CELF2: variants seen among roughly 807,000 people sequenced by gnomAD.
CELF2 encodes the protein CUG triplet repeat RNA-binding protein 2.
In CELF2, 8 loss-of-function variants were observed where a neutral mutation model predicts 62.6. The observed-to-expected ratio is 0.13, with a 90% CI of 0.07 to 0.23. CELF2 has a LOEUF of 0.23. CELF2 is among the 10% of genes least tolerant of loss of function. The probability of loss-of-function intolerance (pLI) is 1.00; values close to 1 mark genes in which losing one functional copy is unlikely to be tolerated. For missense variants in CELF2, 333 were observed against 671.0 expected, an observed-to-expected ratio of 0.50 and a Z score of 5.56; for synonymous variants, 258 against 250.0, an observed-to-expected ratio of 1.03 and a Z score of -0.30.
chr10:10,642,809 G>T, the CELF2 span, among the ~76,000 whole-genome samples: 1 of 152,260 alleles, frequency 6.6e-6, no homozygotes, highest in Admixed American at 6.5e-5. Context: ...AGTGGGTGCA[G>T]GTGGAGCCCT....
the CELF2 span, among the ~76,000 whole-genome samples, chr10:10,682,321 A>T: frequency 6.6e-6 from 1 of 152,244 alleles, no homozygotes. Context: ...ATGACACAAA[A>T]TTAATCTCAG....
chr10:11,026,586 CTG>C (rs2059245236), intron 1 of CELF2, among the ~76,000 whole-genome samples: 1 of 152,244 alleles, frequency 6.6e-6, no homozygotes, highest in African/African-American at 2.4e-5. Context: ...TCCTGAATCT[CTG>C]TACCCTGGCC....
chr10:10,558,203 C>A, the CELF2 span, among the ~76,000 whole-genome samples: 1 of 152,110 alleles, frequency 6.6e-6, no homozygotes, highest in Non-Finnish European at 1.5e-5. Flanking sequence ...TTTTGAAATG[C>A]GTCCCATCAA....
chr10:10,513,035 T>A, the CELF2 span, among the ~76,000 whole-genome samples: 15 of 152,276 alleles, frequency 9.9e-5, no homozygotes, highest in East Asian at 2.9e-3. Flanking sequence ...GGTTTTCTGG[T>A]GATGCACAAG....
the CELF2 span, among the ~76,000 whole-genome samples, chr10:10,551,175 G>T: frequency 6.6e-6 from 1 of 152,188 alleles, no homozygotes; most frequent in Non-Finnish European, 1.5e-5. Context: ...TTAGTCTGGT[G>T]CAGTTATTCA....
chr10:10,544,408 T>C, the CELF2 span, among the ~76,000 whole-genome samples: 49,299 of 152,196 alleles, frequency 0.32, 8,748 homozygotes, highest in Middle Eastern at 0.41. Context: ...CTAGCCTCAG[T>C]TACTACTTAG....
the CELF2 span, among the ~76,000 whole-genome samples, chr10:10,760,281 G>T: frequency 6.6e-6 from 1 of 152,072 alleles, no homozygotes; most frequent in African/African-American, 2.4e-5. Context: ...TCCTACCCCA[G>T]TCCCCCTCTT....
chr10:10,805,724 A>T (rs1046834721), intron 1 of CELF2, among the ~76,000 whole-genome samples: 3 of 152,182 alleles, frequency 2.0e-5, no homozygotes, highest in Non-Finnish European at 4.4e-5. Flanking sequence ...AGCTCAGAGG[A>T]GCCCGGCTGG....
At chr10:10,477,518 C>T in the CELF2 span, among the ~76,000 whole-genome samples, 2 of 152,038 alleles carry the variant, frequency 1.3e-5, no homozygotes, top group Admixed American at 1.3e-4. Context: ...AAGCTAACCC[C>T]CTCTTAATTA....
intron 1 of CELF2, among the ~76,000 whole-genome samples, chr10:10,877,677 A>C (rs2061192940): frequency 6.6e-6 from 1 of 152,248 alleles, no homozygotes; most frequent in South Asian, 2.1e-4. Flanking sequence ...TTTTCTCAGC[A>C]ACCTGAAATT....
At chr10:10,909,398 G>A (rs2063616352) in intron 1 of CELF2, among the ~76,000 whole-genome samples, 1 of 152,186 alleles carries the variant, frequency 6.6e-6, no homozygotes, top group African/African-American at 2.4e-5. Context: ...CCAGGGGCTA[G>A]GGTATCTTAT....
At chr10:11,219,486 G>T (rs1350876141) in intron 3 of CELF2, among the ~76,000 whole-genome samples, 2 of 152,088 alleles carry the variant, frequency 1.3e-5, no homozygotes, top group Non-Finnish European at 2.9e-5. Context: ...GATTATTTTT[G>T]GTTTTCTCCT....
In CELF2 at chr10:11,243,834, C is replaced by T. The variant is rs907896249; in HGVS notation, c.355-5319C>T. Among the ~76,000 whole-genome samples, 1 of 152,218 alleles carries T rather than the reference C, an allele frequency of 6.6e-6. No individual in the cohort carries two copies. ...CATTCTGTGTGGCTGGAGATGCAGC[C>T]TCAGTTTAATTAGCACACGTCTCTT... On this transcript the variant is annotated intron_variant, in intron 3 of 12. Coordinates refer to ENST00000633077, the MANE Select transcript of CELF2 (RefSeq NM_001326342.2). The surrounding 1 kb of genome is among the most constrained non-coding windows in gnomAD (Gnocchi z 4.1).
At chr10:10,905,617 G>A (rs34375300) in intron 1 of CELF2, among the ~76,000 whole-genome samples, 3 of 150,834 alleles carry the variant, frequency 2.0e-5, no homozygotes, top group African/African-American at 7.3e-5. Flanking sequence ...GGTGGCTCAC[G>A]CCTGTAATCC....
intron 5 of CELF2, among the ~76,000 whole-genome samples, chr10:11,263,852 G>A (rs2765989): frequency 0.19 from 29,602 of 152,192 alleles, 3,246 homozygotes; most frequent in African/African-American, 0.3. Flanking sequence ...AGAAATTACA[G>A]TGGTTAACAA....
At chr10:11,254,164 G>C (rs936949777) in intron 4 of CELF2, among the ~76,000 whole-genome samples, 2 of 152,192 alleles carry the variant, frequency 1.3e-5, no homozygotes, top group African/African-American at 4.8e-5. Flanking sequence ...CTCAGAATGG[G>C]AATTTGGGGG....
At chr10:11,150,828 A>G (rs1440922973) in intron 1 of CELF2, among the ~76,000 whole-genome samples, 2 of 152,256 alleles carry the variant, frequency 1.3e-5, no homozygotes, top group Non-Finnish European at 2.9e-5. Flanking sequence ...AATTATGATT[A>G]ATTTTGGAGC....
the CELF2 span, among the ~76,000 whole-genome samples, chr10:10,779,867 A>C: frequency 6.6e-6 from 1 of 152,162 alleles, no homozygotes; most frequent in Non-Finnish European, 1.5e-5. Context: ...TTAAAAAAAA[A>C]AAAACTTTAA....
the CELF2 span, among the ~76,000 whole-genome samples, chr10:10,682,670 C>T: frequency 6.6e-6 from 1 of 151,852 alleles, no homozygotes; most frequent in Non-Finnish European, 1.5e-5. Flanking sequence ...ATTCAGTTTA[C>T]TGTTGAATCT....
Sources: gnomAD v4.1 joint callset for allele counts (sites outside exome capture counted in the v4.1 genomes callset) on GRCh38, gnomAD v4.1.1 for gene constraint, Gnocchi (gnomAD v3.1) non-coding constraint, MANE v1.5 for transcripts, NCBI Gene and HGNC (gene_info 2026-07-23, HGNC 2026-07-21) for gene names.